YY1: variants seen among roughly 807,000 people sequenced by gnomAD.
YY1 encodes transcriptional repressor protein YY1.
YY1 carries 2 observed loss-of-function variants against 35.6 expected under a neutral mutation model. The observed-to-expected ratio is 0.06, with a 90% CI of 0.02 to 0.18. The LOEUF (loss-of-function observed/expected upper bound fraction) is 0.18, where lower values mean the gene tolerates loss of function less well. Among genes scored for constraint, YY1 ranks in the 10% least tolerant of loss-of-function variants. The pLI is 1.00. For synonymous variants in YY1, 268 were observed against 238.9 expected (o/e 1.12, Z -1.12); for missense variants, 322 against 573.4 (o/e 0.56, Z 4.48).
rs1197026430 is a variant in YY1, at chr14:100,248,847, C to T, written c.679+8924C>T. Among the ~76,000 whole-genome samples, 5 of 151,724 alleles carry T rather than the reference C, an allele frequency of 3.3e-5. No individual in the cohort carries two copies. The East Asian group carries it at 7.8e-4, about 24-fold the overall frequency. On this transcript the variant is annotated intron_variant, in intron 1 of 4. Transcript: ENST00000262238. ...GGACTACAGGCGCCCACCACCATAC[C>T]TGGCTAATTTTTTTGTATTTTTGGT...
At chr14:100,272,950 T>TGTC (rs1374434192) in intron 2 of YY1, among the ~76,000 whole-genome samples, 354 of 80,476 alleles carry the variant, frequency 4.4e-3, no homozygotes, top group African/African-American at 0.02. Context: ...GCTAGTTTTT[T>TGTC]GTTGTTTTTT....
chr14:100,240,825 C>T (rs115832518), intron 1 of YY1, among the ~76,000 whole-genome samples: 1,682 of 151,858 alleles, frequency 0.011, 34 homozygotes, highest in African/African-American at 0.039. Flanking sequence ...GTATTTAGCT[C>T]TTCTGAATAG....
At chr14:100,267,141 A>G (rs914124181) in intron 2 of YY1, among the ~76,000 whole-genome samples, 7 of 152,142 alleles carry the variant, frequency 4.6e-5, no homozygotes, top group South Asian at 2.1e-4. Flanking sequence ...AGAAAAGGCA[A>G]TCGGAAACTC....
chr14:100,260,771 C>CTTTTTTTT lies in YY1; in HGVS notation c.680-1501_680-1494dup, dbSNP rs71113254. Among the ~76,000 whole-genome samples, 33 of 42,568 alleles carry CTTTTTTTT rather than the reference C, an allele frequency of 7.8e-4. 7 individuals are homozygous for CTTTTTTTT. The highest frequency in any genetic ancestry group is 1.0e-3 in the Non-Finnish European group (23 of 22,954). 27.9% of individuals were successfully genotyped at this position (42,568 alleles called of 152,430 possible). ...CAGGTGTGAGCCACCGTGCCTGGTC[C>CTTTTTTTT]TTTTTTTTTTTTTTTTTTTTTTTTT... On this transcript the variant is annotated intron_variant, in intron 1 of 4. Coordinates refer to ENST00000262238, the MANE Select transcript of YY1 (RefSeq NM_003403.5).
intron 1 of YY1, among the ~76,000 whole-genome samples, chr14:100,252,482 C>T (rs1890938711): frequency 6.6e-6 from 1 of 152,218 alleles, no homozygotes; most frequent in Admixed American, 6.5e-5. Context: ...CACATTCTAT[C>T]TTAGGCCAAG....
intron 1 of YY1, among the ~76,000 whole-genome samples, chr14:100,260,776 T>C (rs1437727237): frequency 1.2e-4 from 2 of 17,116 alleles, no homozygotes; most frequent in Non-Finnish European, 2.2e-4. Flanking sequence ...TGGTCCTTTT[T>C]TTTTTTTTTT....
chr14:100,248,768 A>T (rs1009055730), intron 1 of YY1, among the ~76,000 whole-genome samples: 1 of 148,898 alleles, frequency 6.7e-6, no homozygotes, highest in African/African-American at 2.5e-5. Flanking sequence ...GCTCACTGCA[A>T]GCTCTGCCTC....
At position 100,277,663 on chromosome 14, in the gene YY1, A is replaced by C; in HGVS notation, c.*63A>C. 5 of 1,511,938 alleles carry C rather than the reference A, an allele frequency of 3.3e-6. No individual in the cohort carries two copies. The highest frequency in any genetic ancestry group is 1.1e-5 in the South Asian group (1 of 87,144). 93.7% of individuals were successfully genotyped at this position (1,511,938 alleles called of 1,614,324 possible). On this transcript the variant is annotated 3_prime_UTR_variant, in exon 5 of 5. Transcript: ENST00000262238. The surrounding 1 kb of genome is among the most constrained non-coding windows in gnomAD (Gnocchi z 5.6). Reference sequence around the variant, plus strand: ...TCTTCCAGAAGTGTGATTGGGAATAAATATGCCTCTCCTTTGTATATTATT... The same window carrying C: ...TCTTCCAGAAGTGTGATTGGGAATACATATGCCTCTCCTTTGTATATTATT...
At chr14:100,262,615 G>A in intron 2 of YY1, 149 bp downstream of exon 2, 1 of 942,208 alleles carries the variant, frequency 1.1e-6, no homozygotes, top group South Asian at 1.6e-5. Flanking sequence ...TTATTTGTTT[G>A]TTTTTTGTTT....
chr14:100,264,426 C>T (rs1891125493), intron 2 of YY1, among the ~76,000 whole-genome samples: 1 of 152,154 alleles, frequency 6.6e-6, no homozygotes, highest in African/African-American at 2.4e-5. Context: ...ATCCACCCAC[C>T]TTGGCTTCCC....
chr14:100,278,269 AGT>A lies in YY1; in HGVS notation c.*672_*673del, dbSNP rs1388852816. ...TATCAAATATTAGATGTGATTTAAT[AGT>A]GTTAATCAATTTAAACCCATTTTAG... On this transcript the variant is annotated 3_prime_UTR_variant, in exon 5 of 5. Transcript: ENST00000262238. The A allele has an allele frequency of 6.5e-6, 1 of 152,734 alleles. No individual in the cohort carries two copies. Among genetic ancestry groups the A allele is most frequent in the Non-Finnish European group, 1.5e-5 (1 of 68,122 alleles). The allele number at this position is 152,734 out of a possible 1,614,324, so 9.5% of individuals were successfully genotyped here. A position where few individuals can be genotyped will look rare whatever the true frequency, so the allele number is the denominator to read the frequency against.
chr14:100,241,227 T>C (rs1890735775), intron 1 of YY1, among the ~76,000 whole-genome samples: 1 of 152,232 alleles, frequency 6.6e-6, no homozygotes, highest in South Asian at 2.1e-4. Context: ...TTACGTTTAG[T>C]ACTCCATATA....
At chr14:100,248,418 A>G (rs905135268) in intron 1 of YY1, among the ~76,000 whole-genome samples, 2 of 152,018 alleles carry the variant, frequency 1.3e-5, no homozygotes, top group African/African-American at 4.8e-5. Flanking sequence ...TACTGTACCC[A>G]GCCTACTCAA....
intron 2 of YY1, among the ~76,000 whole-genome samples, chr14:100,267,487 G>A (rs1482961924): frequency 6.6e-6 from 1 of 151,894 alleles, no homozygotes; most frequent in Non-Finnish European, 1.5e-5. Context: ...CCTGTGAGGT[G>A]GGTCAAGGGT....
At chr14:100,273,553 CAG>C (rs1891275771) in intron 2 of YY1, among the ~76,000 whole-genome samples, 1 of 151,558 alleles carries the variant, frequency 6.6e-6, no homozygotes, top group African/African-American at 2.4e-5. Flanking sequence ...TTTGTAGAGA[CAG>C]AGTCTCACTG....
At chr14:100,251,720 A>G (rs570617129) in intron 1 of YY1, among the ~76,000 whole-genome samples, 116 of 152,166 alleles carry the variant, frequency 7.6e-4, no homozygotes, top group African/African-American at 2.7e-3. Flanking sequence ...TTAGCCTTAT[A>G]AGATCAGTGG....
At chr14:100,268,412 G>C (rs1891185851) in intron 2 of YY1, among the ~76,000 whole-genome samples, 1 of 152,140 alleles carries the variant, frequency 6.6e-6, no homozygotes, top group African/African-American at 2.4e-5. Context: ...TTTGAAAAGT[G>C]GTCAGTGAGT....
Position 100,277,603 on chromosome 14 carries a change from A to C in YY1, c.*3A>C. The C allele has an allele frequency of 6.2e-7, 1 of 1,614,144 alleles. No individual in the cohort carries two copies. Among genetic ancestry groups the C allele is most frequent in the Non-Finnish European group, 8.5e-7 (1 of 1,180,004 alleles). ...CTAAGGCCAAAAACAACCAGTGAAAAGAAGAGAGAAGACCCTTCTCGACCA... is the reference window on the plus strand; with the variant it reads ...CTAAGGCCAAAAACAACCAGTGAAACGAAGAGAGAAGACCCTTCTCGACCA... On this transcript the variant is annotated 3_prime_UTR_variant, in exon 5 of 5. Coordinates refer to ENST00000262238, the MANE Select transcript of YY1 (RefSeq NM_003403.5). This position sits in a 1 kb window ranked among gnomAD's most constrained non-coding sequence, Gnocchi z 5.6.
At chr14:100,275,034 C>T (rs1484088403) in intron 3 of YY1, among the ~76,000 whole-genome samples, 1 of 152,072 alleles carries the variant, frequency 6.6e-6, no homozygotes, top group Admixed American at 6.6e-5. Context: ...ATTAACAAGT[C>T]CGTCTTAAGA....
Sources: allele counts gnomAD v4.1 joint callset (sites outside exome capture counted in the v4.1 genomes callset), GRCh38; gene constraint gnomAD v4.1.1; non-coding constraint Gnocchi (gnomAD v3.1); transcripts MANE v1.5; gene names NCBI Gene and HGNC (gene_info 2026-07-23, HGNC 2026-07-21).